Variants in AUTS2 observed in about 807,000 individuals in gnomAD.
AUTS2 encodes autism susceptibility gene 2 protein.
AUTS2 carries 17 observed loss-of-function variants against 112.4 expected under a neutral mutation model. The observed-to-expected ratio is 0.15, with a 90% CI of 0.10 to 0.23. The LOEUF (loss-of-function observed/expected upper bound fraction) is 0.23. Among genes scored for constraint, AUTS2 ranks in the 10% least tolerant of loss-of-function variants. The probability of loss-of-function intolerance (pLI) is 1.00; values close to 1 mark genes in which losing one functional copy is unlikely to be tolerated. For missense variants in AUTS2, 1,510 were observed against 1,701.6 expected (o/e 0.89, Z 1.98); for synonymous variants, 751 against 702.7 (o/e 1.07, Z -1.09).
chr7:70,129,170 A>G (rs1029172768), intron 3 of AUTS2, among the ~76,000 whole-genome samples: 4 of 152,204 alleles, frequency 2.6e-5, no homozygotes, highest in African/African-American at 7.2e-5. Flanking sequence ...TAGAGACCCA[A>G]GAGAACCTAT....
chr7:69,804,015 G>C (rs1790195766), intron 1 of AUTS2, among the ~76,000 whole-genome samples: 1 of 152,224 alleles, frequency 6.6e-6, no homozygotes, highest in Non-Finnish European at 1.5e-5. Context: ...CTGGGTGACA[G>C]AGTGAGACTC....
At chr7:69,615,869 A>G (rs942645330) in intron 1 of AUTS2, among the ~76,000 whole-genome samples, 3 of 152,260 alleles carry the variant, frequency 2.0e-5, no homozygotes, top group South Asian at 4.1e-4. Context: ...CAATAGCATC[A>G]TTAGAAAACA....
At chr7:70,504,141 C>T (rs1387687714) in intron 5 of AUTS2, among the ~76,000 whole-genome samples, 2 of 151,518 alleles carry the variant, frequency 1.3e-5, no homozygotes, top group Non-Finnish European at 2.9e-5. Flanking sequence ...CACAGGAGCT[C>T]GAGTACATAG....
chr7:69,718,480 C>T (rs1195294281), intron 1 of AUTS2, among the ~76,000 whole-genome samples: 2 of 152,164 alleles, frequency 1.3e-5, no homozygotes, highest in African/African-American at 2.4e-5. Context: ...CTCTTCCCTT[C>T]ATCTTCAAAG....
At chr7:69,914,734 A>T (rs947512793) in intron 2 of AUTS2, among the ~76,000 whole-genome samples, 1 of 151,708 alleles carries the variant, frequency 6.6e-6, no homozygotes, top group African/African-American at 2.4e-5. Context: ...GGTGAAATTC[A>T]CTGAGTACTC....
intron 5 of AUTS2, among the ~76,000 whole-genome samples, chr7:70,682,594 T>TG (rs1217904211): frequency 6.6e-6 from 1 of 152,238 alleles, no homozygotes; most frequent in Non-Finnish European, 1.5e-5. Flanking sequence ...ATGTATCTCA[T>TG]CCTGGCATGT....
chr7:69,958,921 G>C (rs903647126), intron 2 of AUTS2, among the ~76,000 whole-genome samples: 1 of 152,168 alleles, frequency 6.6e-6, no homozygotes, highest in African/African-American at 2.4e-5. Context: ...CATTTGGAGA[G>C]AACCAAATTT....
At chr7:70,382,106 A>T (rs1416080127) in intron 4 of AUTS2, among the ~76,000 whole-genome samples, 2 of 152,146 alleles carry the variant, frequency 1.3e-5, no homozygotes, top group Non-Finnish European at 2.9e-5. Context: ...GCATATCACG[A>T]CAGTGTCTCA....
chr7:69,996,681 A>G (rs1269680646), intron 2 of AUTS2, among the ~76,000 whole-genome samples: 1 of 152,176 alleles, frequency 6.6e-6, no homozygotes, highest in East Asian at 1.9e-4. Flanking sequence ...TATTCAGGAT[A>G]GAAATTTCCT....
At chr7:69,625,169 T>A (rs1303314785) in intron 1 of AUTS2, among the ~76,000 whole-genome samples, 1 of 152,208 alleles carries the variant, frequency 6.6e-6, no homozygotes, top group Admixed American at 6.5e-5. Context: ...TCTCTCCCCT[T>A]CAATTCTTAG....
intron 4 of AUTS2, among the ~76,000 whole-genome samples, chr7:70,341,081 G>C (rs2129620717): frequency 6.6e-6 from 1 of 152,224 alleles, no homozygotes; most frequent in South Asian, 2.1e-4. Flanking sequence ...AATGTTTACT[G>C]TATAATGAGT....
chr7:70,651,018 G>A (rs1212589177), intron 5 of AUTS2, among the ~76,000 whole-genome samples: 1 of 152,190 alleles, frequency 6.6e-6, no homozygotes, highest in Admixed American at 6.5e-5. Context: ...AATGTTGATA[G>A]TAATGATCAA....
At chr7:69,912,677 C>T (rs1795411802) in intron 2 of AUTS2, among the ~76,000 whole-genome samples, 1 of 152,168 alleles carries the variant, frequency 6.6e-6, no homozygotes, top group Non-Finnish European at 1.5e-5. Context: ...ACCCATATTT[C>T]TCCTTTCATC....
intron 1 of AUTS2, among the ~76,000 whole-genome samples, chr7:69,857,104 T>C (rs1792762593): frequency 6.6e-6 from 1 of 152,202 alleles, no homozygotes; most frequent in Non-Finnish European, 1.5e-5. Context: ...CCTTTTGCCC[T>C]AGGCACCTTG....
intron 4 of AUTS2, among the ~76,000 whole-genome samples, chr7:70,388,336 T>G (rs2129644842): frequency 6.6e-6 from 1 of 152,352 alleles, no homozygotes; most frequent in Middle Eastern, 3.4e-3. Context: ...GGATTTTCAT[T>G]GTTATAACTC....
intron 1 of AUTS2, among the ~76,000 whole-genome samples, chr7:69,789,211 C>T (rs1279659368): frequency 6.6e-6 from 1 of 152,090 alleles, no homozygotes. Context: ...GGACAATTTC[C>T]ATTCAGCAAT....
At chr7:70,010,908 C>T (rs760284782) in intron 2 of AUTS2, among the ~76,000 whole-genome samples, 1 of 152,198 alleles carries the variant, frequency 6.6e-6, no homozygotes, top group Non-Finnish European at 1.5e-5. Context: ...GTAAGGGGAT[C>T]TCAGTGCCCA....
intron 1 of AUTS2, among the ~76,000 whole-genome samples, chr7:69,675,875 A>T (rs1796541682): frequency 2.0e-5 from 3 of 152,170 alleles, no homozygotes; most frequent in Admixed American, 1.3e-4. Flanking sequence ...ATATATTCAC[A>T]TCTGAGGACT....
At chr7:70,308,288 C>CCCATTTCA (rs951932797) in intron 4 of AUTS2, among the ~76,000 whole-genome samples, 2 of 152,120 alleles carry the variant, frequency 1.3e-5, no homozygotes, top group African/African-American at 4.8e-5. Flanking sequence ...CTAGGACATA[C>CCCATTTCA]CCATTTCACT....
Sources: gnomAD v4.1 joint callset for allele counts (sites outside exome capture counted in the v4.1 genomes callset) on GRCh38, gnomAD v4.1.1 for gene constraint, MANE v1.5 for transcripts, NCBI Gene and HGNC (gene_info 2026-07-23, HGNC 2026-07-21) for gene names.